Variants in PREPL observed in about 807,000 individuals in gnomAD.
PREPL encodes prolyl endopeptidase like.
A neutral mutation model predicts 70.6 loss-of-function variants in PREPL; 77 were observed. The ratio of observed to expected loss-of-function variants is 1.09; its 90% CI spans 0.91 to 1.32. PREPL has a LOEUF of 1.32. Among genes scored for constraint, PREPL ranks in the 40% most tolerant of loss-of-function variants. The pLI, the probability that PREPL is intolerant of heterozygous loss-of-function variation, is 0.00. For missense variants in PREPL, 1,002 were observed against 778.2 expected (o/e 1.29, Z -3.42); for synonymous variants, 315 against 264.8 (o/e 1.19, Z -1.84).
At chr2:44,352,859 G>A (rs975701451) in intron 1 of PREPL, among the ~76,000 whole-genome samples, 1 of 152,156 alleles carries the variant, frequency 6.6e-6, no homozygotes, top group Non-Finnish European at 1.5e-5. Flanking sequence ...GAAATCTTAT[G>A]AATCAGTAAG....
chr2:44,329,533 A>AT (rs1447990485), intron 8 of PREPL, among the ~76,000 whole-genome samples: 1 of 152,166 alleles, frequency 6.6e-6, no homozygotes, highest in Non-Finnish European at 1.5e-5. Context: ...GTATCTACAA[A>AT]TATGCTGACT....
chr2:44,338,226 C>T, intron 7 of PREPL, 125 bp downstream of exon 7: 1 of 927,966 alleles, frequency 1.1e-6, no homozygotes, highest in Non-Finnish European at 1.6e-6. Context: ...TGCTAAATTC[C>T]ATTTAAGTTA....
At chr2:44,354,939 C>G (rs967272442) in intron 1 of PREPL, among the ~76,000 whole-genome samples, 1 of 152,144 alleles carries the variant, frequency 6.6e-6, no homozygotes, top group Non-Finnish European at 1.5e-5. Context: ...ATAAGTCCAT[C>G]TGAAACATAA....
chr2:44,342,285 A>C, intron 5 of PREPL, 132 bp downstream of exon 5: 2 of 781,668 alleles, frequency 2.6e-6, no homozygotes, highest in Middle Eastern at 4.3e-4. Context: ...ACAACTAATA[A>C]AAGAATGATC....
chr2:44,348,122 T>C (rs1266095219), intron 1 of PREPL, among the ~76,000 whole-genome samples: 2 of 152,166 alleles, frequency 1.3e-5, no homozygotes, highest in Non-Finnish European at 2.9e-5. Flanking sequence ...ACTCCTGGGC[T>C]CAAGCAATCT....
At position 44,317,825 on chromosome 2, in the gene PREPL, C is replaced by G. The variant is rs916931362; in HGVS notation, c.*3531G>C. The stretch of plus-strand genomic sequence containing the variant: ...ATAAAATAGGGCTTCCGAATTATGT[C>G]TAAATAATACAATAATTACAAATAT... On this transcript the variant is annotated 3_prime_UTR_variant, in exon 14 of 14. Transcript: ENST00000409411. 1.8e-5 allele frequency: 3 copies of G among 164,406 alleles called. No homozygotes were observed. The highest frequency in any genetic ancestry group is 6.3e-5 in the Admixed American group (1 of 15,928). The allele number at this position is 164,406 out of a possible 1,614,324, so 10.2% of individuals were successfully genotyped here.
intron 2 of PREPL, among the ~76,000 whole-genome samples, chr2:44,345,025 C>T (rs2053457): frequency 0.72 from 109,411 of 152,050 alleles, 40,044 homozygotes; most frequent in Middle Eastern, 0.79. Context: ...TCTGAGACTC[C>T]TTCCTTTAAA....
rs766082888 is a variant in PREPL at position 44,326,931 on chromosome 2, G to T, written c.1263-3C>A. ...GGAGGCCTAACTCACCACCACCTCT[G>T]AAATTGAAGGGCAAAAAAGTTTTAG... On this transcript the variant is annotated splice_polypyrimidine_tract_variant and splice_region_variant and intron_variant, in intron 9 of 13. Transcript: ENST00000409411. The T allele has an allele frequency of 3.1e-6, 5 of 1,613,330 alleles. No homozygotes were observed. Among genetic ancestry groups the T allele is most frequent in the Non-Finnish European group, 4.2e-6 (5 of 1,179,576 alleles).
chr2:44,338,531 C>T lies in PREPL; in HGVS notation c.708G>A (p.Met236Ile). The change falls in exon 7 of 14, where the codon ATG (methionine) becomes ATA (isoleucine). Residue 236 changes from methionine to isoleucine, a missense_variant. Coordinates refer to ENST00000409411, the MANE Select transcript of PREPL (RefSeq NM_001171613.2). ...TTGCAGGGGTATCAGCCGCTGTTCT[C>T]ATTAGCTACGTGGAACAAAGTTAGA... The part of the protein sequence containing the change: ...NVGEPTEFKL[M>I]RTAADTPAIM... 1.9e-6 allele frequency: 3 copies of T among 1,603,322 alleles called. No homozygotes were observed. Among genetic ancestry groups the T allele is most frequent in the Non-Finnish European group, 2.5e-6 (3 of 1,177,334 alleles).
chr2:44,339,343 A>G lies in PREPL; in HGVS notation c.506T>C (p.Leu169Pro), dbSNP rs1674972311. 2.5e-6 allele frequency: 4 copies of G among 1,613,862 alleles called. No homozygotes were observed. The highest frequency in any genetic ancestry group is 3.4e-6 in the Non-Finnish European group (4 of 1,179,950). The change falls in exon 6 of 14, where the codon CTT (leucine) becomes CCT (proline). Residue 169 changes from leucine to proline, a missense_variant. Leu to Pro is a moderately conservative substitution (Grantham distance 98). Transcript: ENST00000409411. ...GGTGAGGAAACGACTGTCTTTTGTAAGATAAAGGAAAACAAAGTAGCTAGA... is the reference window on the plus strand; with the variant it reads ...GGTGAGGAAACGACTGTCTTTTGTAGGATAAAGGAAAACAAAGTAGCTAGA... ...KDPSYFVFLY[L>P]TKDSRFLTIN... is the part of the protein sequence containing the mutation.
chr2:44,360,527 T>C lies in PREPL; in HGVS notation c.-49+853A>G, dbSNP rs891687837. The C allele has an allele frequency of 2.6e-5, 4 of 152,340 alleles. 1 individual carries two copies. In the East Asian group the frequency reaches 7.7e-4, roughly 29 times the overall value. 9.4% of individuals were successfully genotyped at this position (152,340 alleles called of 1,614,324 possible). A position where few individuals can be genotyped will look rare whatever the true frequency, so the allele number is the denominator to read the frequency against. On this transcript the variant is annotated intron_variant, in intron 1 of 13. Coordinates refer to ENST00000409411, the MANE Select transcript of PREPL (RefSeq NM_001171613.2). ...AAAACAACAAAAAACCCCTGCAAGATGCACAAATAAAATGTAAGGCCATCT... is the reference window on the plus strand; with the variant it reads ...AAAACAACAAAAAACCCCTGCAAGACGCACAAATAAAATGTAAGGCCATCT...
rs1672652437 is a variant in PREPL, at chr2:44,318,666, GTC to G, written c.*2688_*2689del. On this transcript the variant is annotated 3_prime_UTR_variant, in exon 14 of 14. Transcript: ENST00000409411. The stretch of plus-strand genomic sequence containing the variant: ...AAAAACAAAAGAACATATAGTGCCT[GTC>G]TCTGAGGGGAACTGTGAAGCTATGG... 1 of 151,576 alleles carries G rather than the reference GTC, an allele frequency of 6.6e-6. No individual in the cohort carries two copies. The allele number at this position is 151,576 out of a possible 1,614,324, so 9.4% of individuals were successfully genotyped here.
Position 44,321,313 on chromosome 2 carries a change from A to C in PREPL, c.*43T>G. The C allele has an allele frequency of 2.0e-6, 3 of 1,468,470 alleles. No homozygotes were observed. Among genetic ancestry groups the C allele is most frequent in the Non-Finnish European group, 2.8e-6 (3 of 1,056,564 alleles). The allele number at this position is 1,468,470 out of a possible 1,614,324, so 91.0% of individuals were successfully genotyped here. ...TAACTCAATTGGAAGTAAGACTATG[A>C]AATATTTCAGTGTGTTTCCAATTCC... On this transcript the variant is annotated 3_prime_UTR_variant, in exon 14 of 14. Coordinates refer to ENST00000409411, the MANE Select transcript of PREPL (RefSeq NM_001171613.2).
rs549214174 is a variant in PREPL, at chr2:44,335,933, C to A, written c.888+2418G>T. 6.7e-4 allele frequency among the ~76,000 whole-genome samples: 102 copies of A among 151,804 alleles called. 1 individual carries two copies. In the South Asian group the frequency reaches 0.021, roughly 31 times the overall value. ...TTTTTAAAAGAAGACATACATGCAGCCAACAAGCATATGAAAAAAATGCTC... is the reference window on the plus strand; with the variant it reads ...TTTTTAAAAGAAGACATACATGCAGACAACAAGCATATGAAAAAAATGCTC... On this transcript the variant is annotated intron_variant, in intron 7 of 13. Coordinates refer to ENST00000409411, the MANE Select transcript of PREPL (RefSeq NM_001171613.2).
intron 1 of PREPL, among the ~76,000 whole-genome samples, chr2:44,358,572 A>G (rs57306970): frequency 0.013 from 1,933 of 152,226 alleles, 40 homozygotes; most frequent in African/African-American, 0.044. Flanking sequence ...ATGACCATAT[A>G]ATTTACCATT....
In PREPL at chr2:44,323,094, C is replaced by T. The variant is rs2053455; in HGVS notation, c.1629+168G>A. ...AATTAAGGCATGATAAGTCTATTCC[C>T]CTGAGGTATTAAACATGGAGCATGA... is the stretch of plus-strand genomic sequence containing the variant. On this transcript the variant is annotated intron_variant, in intron 11 of 13. Transcript: ENST00000409411. Among the ~76,000 whole-genome samples the T allele has an allele frequency of 0.64, 96,582 of 151,930 alleles. 31,153 individuals carry two copies. The highest frequency in any genetic ancestry group is 0.71 in the Middle Eastern group (208 of 294).
At chr2:44,337,108 G>A (rs1008628718) in intron 7 of PREPL, among the ~76,000 whole-genome samples, 7 of 152,082 alleles carry the variant, frequency 4.6e-5, no homozygotes, top group African/African-American at 1.7e-4. Flanking sequence ...TCATCCCCCA[G>A]AAATGTATAG....
In PREPL at chr2:44,319,624, TAAA is replaced by T. The variant is rs764957188; in HGVS notation, c.*1729_*1731del. On this transcript the variant is annotated 3_prime_UTR_variant, in exon 14 of 14. Coordinates refer to ENST00000409411, the MANE Select transcript of PREPL (RefSeq NM_001171613.2). ...CTTTAATGAACACATACTATTATGG[TAAA>T]AAAAAGTCTACAATTTCTAACTTTC... 1 of 153,020 alleles carries T rather than the reference TAAA, an allele frequency of 6.5e-6. No individual in the cohort carries two copies. The highest frequency in any genetic ancestry group is 1.5e-5 in the Non-Finnish European group (1 of 68,746). The allele number at this position is 153,020 out of a possible 1,614,324, so 9.5% of individuals were successfully genotyped here.
rs35046592 is a variant in PREPL, at chr2:44,320,569, G to T, written c.*787C>A. ...CTCCTTCATCGCCAAACAGCTTTCAGAGATAGATGCTTTGTTTCCAATCGA... is the reference window on the plus strand; with the variant it reads ...CTCCTTCATCGCCAAACAGCTTTCATAGATAGATGCTTTGTTTCCAATCGA... On this transcript the variant is annotated 3_prime_UTR_variant, in exon 14 of 14. Coordinates refer to ENST00000409411, the MANE Select transcript of PREPL (RefSeq NM_001171613.2). The T allele has an allele frequency of 1.2e-6, 2 of 1,614,074 alleles. No individual in the cohort carries two copies. Among genetic ancestry groups the T allele is most frequent in the Admixed American group, 1.7e-5 (1 of 60,020 alleles).
Sources: gnomAD v4.1 joint callset for allele counts (sites outside exome capture counted in the v4.1 genomes callset) on GRCh38, gnomAD v4.1.1 for gene constraint, MANE v1.5 for transcripts, NCBI Gene and HGNC (gene_info 2026-07-23, HGNC 2026-07-21) for gene names.